Variants in EYS observed in about 807,000 individuals in gnomAD.
EYS encodes the protein protein eyes shut homolog.
In EYS, 250 loss-of-function variants were observed where a neutral mutation model predicts 282.1. That is an observed-to-expected ratio of 0.89 (90% CI 0.80 to 0.98). EYS has a LOEUF of 0.98. Among genes scored for constraint, EYS ranks in the 50% least tolerant of loss-of-function variants. The probability of loss-of-function intolerance (pLI) is 0.00; values close to 1 mark genes in which losing one functional copy is unlikely to be tolerated. For missense variants in EYS, 4,016 were observed against 3,709.0 expected, an observed-to-expected ratio of 1.08 and a Z score of -2.15; for synonymous variants, 1,355 against 1,282.9, an observed-to-expected ratio of 1.06 and a Z score of -1.20.
rs1349864132 is a variant in EYS, at chr6:63,778,168, G to A, written c.7736C>T (p.Thr2579Ile). 3.2e-6 allele frequency: 5 copies of A among 1,551,696 alleles called. No homozygotes were observed. The African/African-American group carries it at 5.5e-5, about 17-fold the overall frequency. Residue 2579 changes from threonine (T) to isoleucine (I), a missense_variant, in exon 40 of 43, where the codon ACT (threonine) becomes ATT (isoleucine). Thr to Ile is a moderately conservative substitution (Grantham distance 89). Transcript: ENST00000503581. ...ATCCTTCTCAGTGCGAACTTGAAGA[G>A]TGAAAATACAGCCTTGAAGAAATGC... ...FKNGFQGCIF[T>I]LQVRTEKDGH... is the part of the protein sequence containing the mutation.
intron 31 of EYS, among the ~76,000 whole-genome samples, chr6:64,176,172 G>T (rs978549366): frequency 1.3e-5 from 2 of 152,056 alleles, no homozygotes; most frequent in Non-Finnish European, 2.9e-5. Flanking sequence ...GGGAGGAATG[G>T]AATCAGAAAG....
At chr6:63,897,137 T>G (rs1203760862) in intron 35 of EYS, among the ~76,000 whole-genome samples, 5 of 152,198 alleles carry the variant, frequency 3.3e-5, no homozygotes, top group Admixed American at 3.3e-4. Context: ...CTGTTAAGAG[T>G]TTAGTGTATA....
intron 28 of EYS, among the ~76,000 whole-genome samples, chr6:64,416,541 T>C (rs1774063643): frequency 6.7e-6 from 1 of 149,856 alleles, no homozygotes; most frequent in South Asian, 2.1e-4. Context: ...TCTTTTCCTC[T>C]GGTTTGTTTT....
rs761238771 is a variant in EYS at position 64,591,510 on chromosome 6, CAGCTATA to C, written c.4350_4356del (p.Ile1451ProfsTer3). 9.5e-5 allele frequency: 147 copies of C among 1,551,180 alleles called. No homozygotes were observed. Among genetic ancestry groups the C allele is most frequent in the Non-Finnish European group, 1.3e-4 (144 of 1,146,786 alleles). ...ACAACTGGAGTTGCACTTATGGAGG[CAGCTATA>C]AGCAGGAATCCACGGGAGAGTAATG... is the stretch of plus-strand genomic sequence containing the variant. On this transcript the variant is annotated frameshift_variant, in exon 26 of 43. Transcript: ENST00000503581. LOFTEE classifies it high-confidence loss of function.
chr6:65,599,515 C>T (rs1765542002), intron 2 of EYS, among the ~76,000 whole-genome samples: 1 of 151,948 alleles, frequency 6.6e-6, no homozygotes, highest in Admixed American at 6.6e-5. Context: ...GGTCCTTGAT[C>T]CATCTTTGTG....
intron 12 of EYS, among the ~76,000 whole-genome samples, chr6:65,233,317 C>A (rs1274212878): frequency 6.6e-6 from 1 of 152,248 alleles, no homozygotes; most frequent in South Asian, 2.1e-4. Flanking sequence ...ACCCACCCCT[C>A]CATCTGGCAG....
chr6:63,923,133 G>A (rs1764618617), intron 35 of EYS, among the ~76,000 whole-genome samples: 1 of 152,086 alleles, frequency 6.6e-6, no homozygotes. Context: ...TAAAAATAAT[G>A]CTTATAGGTC....
At chr6:64,524,392 G>C (rs964239902) in intron 26 of EYS, among the ~76,000 whole-genome samples, 3 of 151,480 alleles carry the variant, frequency 2.0e-5, no homozygotes, top group African/African-American at 7.3e-5. Flanking sequence ...CTTTGACAGG[G>C]GCATAGTTTG....
chr6:65,548,668 G>A (rs142115611), intron 2 of EYS, among the ~76,000 whole-genome samples: 107 of 152,136 alleles, frequency 7.0e-4, no homozygotes, highest in African/African-American at 2.3e-3. Flanking sequence ...ATTTGAACCC[G>A]ATGATCTAAA....
chr6:65,298,322 C>A (rs2150287922), intron 11 of EYS, among the ~76,000 whole-genome samples: 1 of 152,056 alleles, frequency 6.6e-6, no homozygotes, highest in East Asian at 1.9e-4. Context: ...TAGGATCTTG[C>A]TGAAGTCTCT....
intron 35 of EYS, among the ~76,000 whole-genome samples, chr6:63,944,896 C>T (rs7761755): frequency 0.32 from 47,881 of 151,692 alleles, 7,616 homozygotes; most frequent in Admixed American, 0.39. Flanking sequence ...ATCGTGTCAC[C>T]GCACTCCAGC....
intron 22 of EYS, among the ~76,000 whole-genome samples, chr6:64,716,680 G>A (rs929162392): frequency 1.3e-5 from 2 of 152,204 alleles, no homozygotes; most frequent in Admixed American, 1.3e-4. Context: ...TAGCAATGCA[G>A]TTAGCAACTA....
At chr6:65,463,400 T>C (rs1330340091) in intron 5 of EYS, among the ~76,000 whole-genome samples, 3 of 152,186 alleles carry the variant, frequency 2.0e-5, no homozygotes, top group Non-Finnish European at 4.4e-5. Flanking sequence ...TGATATAAAA[T>C]TGGTAAACCT....
chr6:64,197,044 T>A (rs1765312955), intron 31 of EYS, among the ~76,000 whole-genome samples: 3 of 152,166 alleles, frequency 2.0e-5, no homozygotes, highest in Non-Finnish European at 4.4e-5. Context: ...TTTTTCCTTG[T>A]AAAAGTAATT....
intron 9 of EYS, among the ~76,000 whole-genome samples, chr6:65,345,533 C>A (rs910046205): frequency 2.0e-5 from 3 of 151,520 alleles, no homozygotes; most frequent in Admixed American, 6.6e-5. Flanking sequence ...ATTTTTAAAA[C>A]TATTTTATTC....
intron 22 of EYS, among the ~76,000 whole-genome samples, chr6:64,642,627 A>C (rs12524439): frequency 0.11 from 16,028 of 152,248 alleles, 1,001 homozygotes; most frequent in East Asian, 0.16. Context: ...GCTTCCTGTG[A>C]GGAAAACTTA....
At chr6:65,000,310 ATAC>A (rs1233563975) in intron 13 of EYS, among the ~76,000 whole-genome samples, 14 of 152,168 alleles carry the variant, frequency 9.2e-5, no homozygotes, top group African/African-American at 3.4e-4. Flanking sequence ...TAAATATTTC[ATAC>A]TACTATTTTG....
At chr6:64,602,690 G>A (rs981371783) in intron 24 of EYS, among the ~76,000 whole-genome samples, 1 of 151,964 alleles carries the variant, frequency 6.6e-6, no homozygotes, top group Non-Finnish European at 1.5e-5. Context: ...TGAAAACTAA[G>A]TAAGCTCAAA....
intron 34 of EYS, among the ~76,000 whole-genome samples, chr6:63,997,174 A>G (rs1222463101): frequency 6.6e-6 from 1 of 152,082 alleles, no homozygotes; most frequent in African/African-American, 2.4e-5. Flanking sequence ...TATTCCACAA[A>G]CCTCCATCAT....
Sources: allele counts gnomAD v4.1 joint callset (sites outside exome capture counted in the v4.1 genomes callset), GRCh38; gene constraint gnomAD v4.1.1; transcripts MANE v1.5; gene names NCBI Gene and HGNC (gene_info 2026-07-23, HGNC 2026-07-21).